The following PTPRC variants were observed in gnomAD, a reference collection of about 807,000 sequenced individuals.
PTPRC encodes the protein protein tyrosine phosphatase receptor type C, also known as receptor-type tyrosine-protein phosphatase C.
PTPRC carries 44 observed loss-of-function variants against 155.9 expected under a neutral mutation model. The observed-to-expected ratio is 0.28, with a 90% CI of 0.22 to 0.36. PTPRC has a LOEUF of 0.36. Among genes scored for constraint, PTPRC ranks in the 10% least tolerant of loss-of-function variants. The probability of loss-of-function intolerance (pLI) is 1.00; values close to 1 mark genes in which losing one functional copy is unlikely to be tolerated. For missense variants in PTPRC, 1,401 were observed against 1,564.6 expected (o/e 0.90, Z 1.76); for synonymous variants, 525 against 533.1 (o/e 0.98, Z 0.21).
chr1:198,699,616 G>T lies in PTPRC; in HGVS notation c.351G>T (p.Thr117=). The T allele has an allele frequency of 1.9e-6, 3 of 1,614,090 alleles. No individual in the cohort carries two copies. The highest frequency in any genetic ancestry group is 2.5e-6 in the Non-Finnish European group (3 of 1,180,010). The change falls in exon 5 of 33, where the codon ACG becomes ACT. Residue 117 remains threonine (T), a synonymous_variant. Coordinates refer to ENST00000442510, the MANE Select transcript of PTPRC (RefSeq NM_002838.5). ...TTCCCACGCACGCAGACTCGCAGACGCCCTCTGCTGGAACTGACACGCAGA... is the reference window on the plus strand; with the variant it reads ...TTCCCACGCACGCAGACTCGCAGACTCCCTCTGCTGGAACTGACACGCAGA... The part of the protein sequence containing the change: ...PHLPTHADSQ[T]PSAGTDTQTF...
At chr1:198,669,353 C>T (rs1006929059) in intron 2 of PTPRC, among the ~76,000 whole-genome samples, 1 of 152,180 alleles carries the variant, frequency 6.6e-6, no homozygotes, top group Non-Finnish European at 1.5e-5. Flanking sequence ...TGCCCGCAGG[C>T]ACCCACCTGC....
intron 17 of PTPRC, among the ~76,000 whole-genome samples, chr1:198,729,697 G>A (rs983155751): frequency 6.6e-6 from 1 of 152,142 alleles, no homozygotes; most frequent in Non-Finnish European, 1.5e-5. Context: ...TACAGTGACA[G>A]GCACAGACTC....
At chr1:198,696,302 C>G (rs1268969940) in intron 3 of PTPRC, among the ~76,000 whole-genome samples, 1 of 151,504 alleles carries the variant, frequency 6.6e-6, no homozygotes, top group Non-Finnish European at 1.5e-5. Flanking sequence ...TTTCTCTATC[C>G]TTTTCTTTAT....
intron 2 of PTPRC, among the ~76,000 whole-genome samples, chr1:198,657,324 T>G (rs1400414005): frequency 6.7e-6 from 1 of 150,216 alleles, no homozygotes; most frequent in Non-Finnish European, 1.5e-5. Flanking sequence ...GCTTTCCATT[T>G]TATTCCTTTA....
intron 5 of PTPRC, 77 bp from the exon 6 acceptor site, chr1:198,702,310 T>G: frequency 6.4e-7 from 1 of 1,569,792 alleles, no homozygotes; most frequent in South Asian, 1.1e-5. Flanking sequence ...TTAGTAATTG[T>G]GTTTATGTTG....
intron 3 of PTPRC, chr1:198,692,865 T>C (rs762986469): frequency 1.1e-6 from 1 of 898,406 alleles, no homozygotes; most frequent in Non-Finnish European, 1.3e-6. Flanking sequence ...AATTTTCAAA[T>C]TCTACTGAAC....
chr1:198,756,477 A>G lies in PTPRC; in HGVS notation c.*296A>G. 3.9e-6 allele frequency: 1 copy of G among 257,552 alleles called. No homozygotes were observed. Among genetic ancestry groups the G allele is most frequent in the Non-Finnish European group, 7.4e-6 (1 of 134,440 alleles). The allele number at this position is 257,552 out of a possible 1,614,324, so 16.0% of individuals were successfully genotyped here. On this transcript the variant is annotated 3_prime_UTR_variant, in exon 33 of 33. Coordinates refer to ENST00000442510, the MANE Select transcript of PTPRC (RefSeq NM_002838.5). ...ATGGGTGTGTGTTTGTGTGAGAGACAGAGAAAGAGAGAGAATTCTTTCAAG... is the reference window on the plus strand; with the variant it reads ...ATGGGTGTGTGTTTGTGTGAGAGACGGAGAAAGAGAGAGAATTCTTTCAAG...
chr1:198,698,352 A>T (rs1456554177), intron 4 of PTPRC, among the ~76,000 whole-genome samples: 1 of 152,196 alleles, frequency 6.6e-6, no homozygotes, highest in Admixed American at 6.5e-5. Flanking sequence ...CATGCTTTCA[A>T]ATAAAAACAC....
intron 23 of PTPRC, among the ~76,000 whole-genome samples, chr1:198,741,349 G>A (rs1654889661): frequency 6.6e-6 from 1 of 151,794 alleles, no homozygotes; most frequent in South Asian, 2.1e-4. Flanking sequence ...CCATGTGAAG[G>A]CCTAAGGAAT....
At chr1:198,741,288 TG>T (rs1164694656) in intron 23 of PTPRC, among the ~76,000 whole-genome samples, 1 of 151,854 alleles carries the variant, frequency 6.6e-6, no homozygotes, top group Non-Finnish European at 1.5e-5. Flanking sequence ...AGCTCTAATC[TG>T]GGGCTGACTT....
chr1:198,746,689 A>G (rs181481134), intron 26 of PTPRC, among the ~76,000 whole-genome samples: 1 of 151,960 alleles, frequency 6.6e-6, no homozygotes, highest in Admixed American at 6.6e-5. Flanking sequence ...CAAGTGAAAC[A>G]GGTAGAGATT....
intron 8 of PTPRC, 88 bp from the exon 9 acceptor site, chr1:198,706,646 G>C: frequency 7.2e-7 from 1 of 1,391,184 alleles, no homozygotes; most frequent in South Asian, 1.3e-5. Flanking sequence ...GGGGATATTT[G>C]GTTAGTTGAT....
rs1315889906 is a variant in PTPRC at position 198,718,172 on chromosome 1, A to G, written c.1529A>G (p.Asp510Gly). ...SMHVKCRPPR[D>G]RNGPHERYHL... ...CATGTCAAGTGTAGGCCTCCCAGGG[A>G]CCGTAATGGCCCCCATGAACGTTAC... The change falls in exon 14 of 33, where the codon GAC becomes GGC. Residue 510 changes from aspartate (D) to glycine (G), a missense_variant. Asp to Gly is a moderately conservative substitution (Grantham distance 94, BLOSUM62 -1). Around this residue, in one of 3 missense-constraint regions of PTPRC, gnomAD observed 867 missense variants for 970.4 expected, o/e 0.89. Coordinates refer to ENST00000442510, the MANE Select transcript of PTPRC (RefSeq NM_002838.5). The G allele has an allele frequency of 6.2e-7, 1 of 1,613,640 alleles. No individual in the cohort carries two copies.
intron 20 of PTPRC, among the ~76,000 whole-genome samples, chr1:198,733,165 A>C (rs1281429485): frequency 6.6e-6 from 1 of 151,804 alleles, no homozygotes; most frequent in Admixed American, 6.6e-5. Flanking sequence ...ACATAGGTTA[A>C]ATAATTTTAA....
chr1:198,666,240 C>CAA (rs756815638), intron 2 of PTPRC, among the ~76,000 whole-genome samples: 14 of 101,700 alleles, frequency 1.4e-4, no homozygotes, highest in South Asian at 6.7e-4. Context: ...GACCCTGTCT[C>CAA]AAAAAAAAAA....
chr1:198,699,473 A>G, intron 4 of PTPRC, 91 bp from the exon 5 acceptor site: 2 of 1,439,744 alleles, frequency 1.4e-6, no homozygotes, highest in Non-Finnish European at 2.0e-6. Flanking sequence ...TTGGTAAACT[A>G]TAATCGCAAT....
At chr1:198,719,606 G>C (rs570039612) in intron 14 of PTPRC, among the ~76,000 whole-genome samples, 2 of 151,860 alleles carry the variant, frequency 1.3e-5, no homozygotes, top group East Asian at 3.9e-4. Flanking sequence ...TTGTTTGTTT[G>C]TTTTGTTGTT....
intron 26 of PTPRC, among the ~76,000 whole-genome samples, chr1:198,744,583 G>A (rs1174631993): frequency 1.3e-5 from 2 of 151,872 alleles, no homozygotes; most frequent in South Asian, 2.1e-4. Flanking sequence ...CATTAGAAGA[G>A]TTTATGACTG....
chr1:198,672,063 T>C (rs1159344303), intron 2 of PTPRC, among the ~76,000 whole-genome samples: 1 of 152,192 alleles, frequency 6.6e-6, no homozygotes, highest in Non-Finnish European at 1.5e-5. Context: ...GGGTTTTGCT[T>C]TTTTCCTGTA....
Sources: gnomAD v4.1 joint callset for allele counts (sites outside exome capture counted in the v4.1 genomes callset) on GRCh38, gnomAD v4.1.1 for gene constraint, gnomAD v4.1.1 regional missense constraint, MANE v1.5 for transcripts, NCBI Gene and HGNC (gene_info 2026-07-23, HGNC 2026-07-21) for gene names.